The following DGKG variants were observed in gnomAD, a reference collection of about 807,000 sequenced individuals.
DGKG encodes the protein diacylglycerol kinase gamma, also known as DAG kinase gamma.
Under a neutral mutation model 105.3 loss-of-function variants are expected in DGKG, and 78 were observed. The observed-to-expected ratio is 0.74, with a 90% CI of 0.62 to 0.89. The LOEUF (loss-of-function observed/expected upper bound fraction) is 0.89, where lower values mean the gene tolerates loss of function less well. Ranked by LOEUF, DGKG falls within the 40% of genes least tolerant of loss-of-function variation. The pLI, the probability that DGKG is intolerant of heterozygous loss-of-function variation, is 0.00. For synonymous variants in DGKG, 346 were observed against 367.1 expected (o/e 0.94, Z 0.66); for missense variants, 958 against 1,020.1 (o/e 0.94, Z 0.83).
chr3:186,359,968 G>A (rs542074957), intron 1 of DGKG, among the ~76,000 whole-genome samples: 26 of 152,212 alleles, frequency 1.7e-4, no homozygotes, highest in South Asian at 1.0e-3. Flanking sequence ...GTACTTCCCC[G>A]CCCTTTTCCC....
chr3:186,202,823 T>G (rs1718539361), intron 21 of DGKG, among the ~76,000 whole-genome samples: 3 of 152,214 alleles, frequency 2.0e-5, no homozygotes. Context: ...TTAAACATGC[T>G]GCATATCCCT....
At chr3:186,261,841 G>T in intron 14 of DGKG, 63 bp from the exon 15 acceptor site, 1 of 1,100,206 alleles carries the variant, frequency 9.1e-7, no homozygotes, top group Non-Finnish European at 1.3e-6. Context: ...TGAGATGAGA[G>T]TTGAAGCCAA....
rs143507129 is a variant in DGKG at position 186,226,827 on chromosome 3, A to G, written c.1827-14942T>C. On this transcript the variant is annotated intron_variant, in intron 20 of 24. Coordinates refer to ENST00000265022, the MANE Select transcript of DGKG (RefSeq NM_001346.3). The surrounding 1 kb of genome is among the most constrained non-coding windows in gnomAD (Gnocchi z 4.2). The stretch of plus-strand genomic sequence containing the variant: ...GAATTTCAATCTAAGTGTAGGTTCA[A>G]TAAACATGAATATTCAGCAATTACG... 1.4e-4 allele frequency among the ~76,000 whole-genome samples: 21 copies of G among 152,366 alleles called. No individual in the cohort carries two copies. In the East Asian group the frequency reaches 3.9e-3, roughly 28 times the overall value.
In DGKG at chr3:186,297,453, G is replaced by T. The variant is rs773335342; in HGVS notation, c.341C>A (p.Thr114Asn). The change falls in exon 5 of 25, where the codon ACC becomes AAC. Residue 114 changes from threonine to asparagine, a missense_variant. By Grantham distance (65) the Thr-to-Asn change is moderately conservative. Coordinates refer to ENST00000265022, the MANE Select transcript of DGKG (RefSeq NM_001346.3). ...DTNIQNADNA[T>N]KADEACAPDT... ...AGGGGCACAGGCCTCGTCTGCTTTG[G>T]TGGCATTATCTGCATTCTGTATATT... The T allele has an allele frequency of 6.2e-7, 1 of 1,612,924 alleles. No homozygotes were observed. Among genetic ancestry groups the T allele is most frequent in the South Asian group, 1.1e-5 (1 of 91,060 alleles).
intron 5 of DGKG, among the ~76,000 whole-genome samples, chr3:186,289,931 T>C (rs1447135234): frequency 6.6e-6 from 1 of 152,188 alleles, no homozygotes; most frequent in Non-Finnish European, 1.5e-5. Flanking sequence ...AGGGCTGTGC[T>C]AGATGAAAGC....
rs144586197 is a variant in DGKG, at chr3:186,156,717, A to G, written c.2277+4886T>C. Among the ~76,000 whole-genome samples the G allele has an allele frequency of 1.6e-3, 248 of 151,546 alleles. 2 individuals carry two copies. Among genetic ancestry groups the G allele is most frequent in the African/African-American group, 5.7e-3 (234 of 41,362 alleles). On this transcript the variant is annotated intron_variant, in intron 24 of 24. Coordinates refer to ENST00000265022, the MANE Select transcript of DGKG (RefSeq NM_001346.3). ...ATAGTCATCTTCATGCATTTTACACAGTTCAGTTTAGTATTTTATGTCTTT... is the reference window on the plus strand; with the variant it reads ...ATAGTCATCTTCATGCATTTTACACGGTTCAGTTTAGTATTTTATGTCTTT...
intron 20 of DGKG, among the ~76,000 whole-genome samples, chr3:186,217,269 A>AT (rs139113323): frequency 2.0e-5 from 3 of 151,436 alleles, no homozygotes; most frequent in African/African-American, 4.8e-5. Context: ...TTGGCCCACC[A>AT]TTTTTTTTTC....
chr3:186,218,502 GAAA>G (rs10692822), intron 20 of DGKG, among the ~76,000 whole-genome samples: 2 of 70,380 alleles, frequency 2.8e-5, no homozygotes, highest in African/African-American at 1.2e-4. Context: ...GACTCCGTCT[GAAA>G]AAAAAAAAAA....
intron 22 of DGKG, among the ~76,000 whole-genome samples, chr3:186,173,432 A>G (rs943632891): frequency 6.6e-6 from 1 of 152,256 alleles, no homozygotes; most frequent in African/African-American, 2.4e-5. Flanking sequence ...AAGAAAAGAC[A>G]CAAGCCCAGC....
chr3:186,286,603 C>CA (rs1490701843), intron 6 of DGKG, among the ~76,000 whole-genome samples: 4 of 152,006 alleles, frequency 2.6e-5, no homozygotes, highest in Non-Finnish European at 4.4e-5. Context: ...CTATTATTCC[C>CA]AAAAAATACA....
intron 24 of DGKG, chr3:186,158,077 T>C: frequency 2.3e-6 from 1 of 426,564 alleles, no homozygotes; most frequent in South Asian, 9.9e-5. Flanking sequence ...TTTTTACCTT[T>C]TAATATGTTT....
intron 22 of DGKG, among the ~76,000 whole-genome samples, chr3:186,186,234 A>G (rs1171030208): frequency 6.6e-6 from 1 of 152,144 alleles, no homozygotes; most frequent in Non-Finnish European, 1.5e-5. Flanking sequence ...GTGAAACAAG[A>G]GAATAACTTC....
intron 5 of DGKG, among the ~76,000 whole-genome samples, chr3:186,292,654 C>T (rs1432001453): frequency 1.4e-5 from 2 of 145,714 alleles, no homozygotes; most frequent in Admixed American, 6.8e-5. Flanking sequence ...ATTAGCTGGG[C>T]GTGGTGGCGG....
At chr3:186,320,070 AG>A (rs1355992818) in intron 2 of DGKG, among the ~76,000 whole-genome samples, 1 of 152,228 alleles carries the variant, frequency 6.6e-6, no homozygotes, top group African/African-American at 2.4e-5. Flanking sequence ...GGGTGTATAC[AG>A]TGTGAGCTCA....
At position 186,268,796 on chromosome 3, in the gene DGKG, C is replaced by T; in HGVS notation, c.1116+5G>A. The T allele has an allele frequency of 6.2e-7, 1 of 1,606,444 alleles. No homozygotes were observed. Among genetic ancestry groups the T allele is most frequent in the Non-Finnish European group, 8.5e-7 (1 of 1,173,890 alleles). ...GAAGCAGGGCCGCCCTGGGCGCCAACCCACCGTCATCCGGCACCACACGCA... is the reference window on the plus strand; with the variant it reads ...GAAGCAGGGCCGCCCTGGGCGCCAATCCACCGTCATCCGGCACCACACGCA... On this transcript the variant is annotated splice_donor_5th_base_variant and intron_variant, in intron 12 of 24. Coordinates refer to ENST00000265022, the MANE Select transcript of DGKG (RefSeq NM_001346.3).
At chr3:186,281,804 T>C (rs1722842015) in intron 7 of DGKG, among the ~76,000 whole-genome samples, 1 of 152,156 alleles carries the variant, frequency 6.6e-6, no homozygotes, top group African/African-American at 2.4e-5. Context: ...GAACCAAGAA[T>C]TGGACTCAGT....
At chr3:186,245,202 G>T (rs1720883362) in intron 19 of DGKG, among the ~76,000 whole-genome samples, 1 of 152,144 alleles carries the variant, frequency 6.6e-6, no homozygotes, top group Non-Finnish European at 1.5e-5. Flanking sequence ...ACTAGGTTTT[G>T]CAAAGATGCT....
chr3:186,217,744 G>A (rs776875090), intron 20 of DGKG, among the ~76,000 whole-genome samples: 29 of 152,356 alleles, frequency 1.9e-4, no homozygotes, highest in East Asian at 1.2e-3. Flanking sequence ...CAGAGGCTAC[G>A]CACTCAGCTT....
chr3:186,261,706 C>T lies in DGKG; in HGVS notation c.1342G>A (p.Gly448Arg). Residue 448 changes from glycine (G) to arginine (R), a missense_variant, in exon 15 of 25, where the codon GGA becomes AGA. Physicochemically the swap from Gly to Arg is moderately radical, Grantham distance 125. Transcript: ENST00000265022. Reference protein sequence around the residue: ...LVNPKSGGRQGERILRKFHYL... With the variant: ...LVNPKSGGRQRERILRKFHYL... ...AAACAGAAGAGAACGTACCTTTCTC[C>T]TTGTCTCCCTCCACTCTTGGGGTTC... 6.3e-7 allele frequency: 1 copy of T among 1,598,478 alleles called. No homozygotes were observed. Among genetic ancestry groups the T allele is most frequent in the Non-Finnish European group, 8.5e-7 (1 of 1,171,868 alleles).
Sources: allele counts gnomAD v4.1 joint callset (sites outside exome capture counted in the v4.1 genomes callset), GRCh38; gene constraint gnomAD v4.1.1; non-coding constraint Gnocchi (gnomAD v3.1); transcripts MANE v1.5; gene names NCBI Gene and HGNC (gene_info 2026-07-23, HGNC 2026-07-21).